GAS7: variants seen among roughly 807,000 people sequenced by gnomAD.
The protein encoded by GAS7 is growth arrest specific 7, also known as growth arrest-specific protein 7.
Under a neutral mutation model 71.1 loss-of-function variants are expected in GAS7, and 28 were observed. That is an observed-to-expected ratio of 0.39 (90% CI 0.29 to 0.54). The LOEUF is 0.54. Among genes scored for constraint, GAS7 ranks in the 20% least tolerant of loss-of-function variants. The pLI is 0.62. For synonymous variants in GAS7, 258 were observed against 245.8 expected (o/e 1.05, Z -0.46); for missense variants, 436 against 627.8 (o/e 0.69, Z 3.27).
rs1255423039 is a variant in GAS7 at position 9,959,687 on chromosome 17, C to G, written c.472-432G>C. On this transcript the variant is annotated intron_variant, in intron 4 of 13. Coordinates refer to ENST00000432992, the MANE Select transcript of GAS7 (RefSeq NM_201433.2). This position sits in a 1 kb window ranked among gnomAD's most constrained non-coding sequence, Gnocchi z 5.0. ...CAGCACACGACATTTTATTCTGAAACCCCCCGGGTCCAAAACGTCAAACCT... is the reference window on the plus strand; with the variant it reads ...CAGCACACGACATTTTATTCTGAAAGCCCCCGGGTCCAAAACGTCAAACCT... Among the ~76,000 whole-genome samples the G allele has an allele frequency of 6.6e-6, 1 of 152,126 alleles. No individual in the cohort carries two copies. Among genetic ancestry groups the G allele is most frequent in the Non-Finnish European group, 1.5e-5 (1 of 68,020 alleles).
At chr17:10,116,853 C>A (rs932390740) in intron 1 of GAS7, among the ~76,000 whole-genome samples, 1 of 151,254 alleles carries the variant, frequency 6.6e-6, no homozygotes, top group Non-Finnish European at 1.5e-5. Context: ...ACAGACAGGT[C>A]AATGATCCAG....
At chr17:10,143,176 C>T (rs1597816683) in intron 1 of GAS7, among the ~76,000 whole-genome samples, 1 of 152,086 alleles carries the variant, frequency 6.6e-6, no homozygotes, top group East Asian at 1.9e-4. Context: ...AGACAGACTC[C>T]GTCTCAGAAA....
At chr17:10,085,705 A>AG (rs2073511229) in intron 1 of GAS7, among the ~76,000 whole-genome samples, 1 of 145,270 alleles carries the variant, frequency 6.9e-6, no homozygotes, top group African/African-American at 2.8e-5. Context: ...AAAAAAAAAA[A>AG]AAAAGAAAGA....
intron 2 of GAS7, among the ~76,000 whole-genome samples, chr17:10,010,400 C>T (rs113972201): frequency 0.097 from 14,734 of 152,190 alleles, 2,277 homozygotes; most frequent in African/African-American, 0.33. Flanking sequence ...GATCCGCCCG[C>T]CTCAGCCTCC....
At chr17:9,920,260 A>T (rs1308604723) in intron 11 of GAS7, among the ~76,000 whole-genome samples, 2 of 152,246 alleles carry the variant, frequency 1.3e-5, no homozygotes, top group East Asian at 1.9e-4. Context: ...CTGTAGTCAC[A>T]GTCTAAAACA....
intron 6 of GAS7, 150 bp downstream of exon 6, chr17:9,946,744 C>T: frequency 1.7e-6 from 1 of 573,864 alleles, no homozygotes; most frequent in Non-Finnish European, 3.1e-6. Context: ...GTCCTAAGTT[C>T]CTGTCACAGA....
At chr17:9,970,951 G>A (rs890792835) in intron 3 of GAS7, among the ~76,000 whole-genome samples, 4 of 152,292 alleles carry the variant, frequency 2.6e-5, no homozygotes, top group Non-Finnish European at 4.4e-5. Context: ...AAGCTTAGAC[G>A]AGCAGCTTCG....
Position 9,943,241 on chromosome 17 carries a change from A to C in GAS7, c.616-5T>G, listed in dbSNP as rs754236866. On this transcript the variant is annotated splice_polypyrimidine_tract_variant and splice_region_variant and intron_variant, in intron 6 of 13. Coordinates refer to ENST00000432992, the MANE Select transcript of GAS7 (RefSeq NM_201433.2). ...TTGGGGGTCCTTCTTATCAGCCTAC[A>C]AAGGAAGCAGAAGCACAAGAGTTTA... 6.5e-7 allele frequency: 1 copy of C among 1,542,852 alleles called. No homozygotes were observed. Among genetic ancestry groups the C allele is most frequent in the East Asian group, 2.2e-5 (1 of 44,630 alleles).
intron 1 of GAS7, among the ~76,000 whole-genome samples, chr17:10,039,978 C>T (rs995955865): frequency 2.0e-5 from 3 of 152,174 alleles, no homozygotes; most frequent in Non-Finnish European, 2.9e-5. Context: ...AAGTTACTGA[C>T]GTGGCTGCTG....
intron 1 of GAS7, among the ~76,000 whole-genome samples, chr17:10,148,881 A>G (rs773035932): frequency 3.8e-4 from 51 of 135,806 alleles, no homozygotes; most frequent in Non-Finnish European, 7.0e-4. Context: ...CTGCACTCCA[A>G]CCTGGGCGAC....
chr17:10,191,002 C>G (rs2074494383), intron 1 of GAS7, among the ~76,000 whole-genome samples: 1 of 151,490 alleles, frequency 6.6e-6, no homozygotes, highest in Admixed American at 6.6e-5. Flanking sequence ...ATGGAGAAAT[C>G]CCATCTCTAC....
intron 1 of GAS7, among the ~76,000 whole-genome samples, chr17:10,049,732 A>T (rs939870635): frequency 6.4e-5 from 9 of 140,728 alleles, no homozygotes; most frequent in Admixed American, 2.3e-4. Flanking sequence ...GCCATTCTCC[A>T]GCCTCAGCCT....
At position 10,186,127 on chromosome 17, in the gene GAS7, A is replaced by ATT. The variant is rs71139024; in HGVS notation, c.183+12079_183+12080dup. Among the ~76,000 whole-genome samples, 472 of 146,074 alleles carry ATT rather than the reference A, an allele frequency of 3.2e-3. 5 individuals carry two copies. Among genetic ancestry groups the ATT allele is most frequent in the African/African-American group, 0.011 (455 of 39,958 alleles). On this transcript the variant is annotated intron_variant, in intron 1 of 13. Transcript: ENST00000432992. ...CCACCATGCCCAGCTAATTTTTTGT[A>ATT]TTTTTTTTTTTAATAGAGACGGGGT...
chr17:10,165,687 T>C (rs1338055625), intron 1 of GAS7, among the ~76,000 whole-genome samples: 2 of 152,190 alleles, frequency 1.3e-5, no homozygotes, highest in Admixed American at 6.5e-5. Flanking sequence ...ACTGCTTGCA[T>C]TTTTACACCA....
intron 9 of GAS7, among the ~76,000 whole-genome samples, chr17:9,929,321 G>A (rs1597466050): frequency 6.6e-6 from 1 of 152,084 alleles, no homozygotes; most frequent in Non-Finnish European, 1.5e-5. Flanking sequence ...GTGGTCTGGG[G>A]AAAAGCCCAT....
rs1179021267 is a variant in GAS7 at position 9,959,605 on chromosome 17, C to T, written c.472-350G>A. 1.5e-5 allele frequency: 7 copies of T among 457,452 alleles called. No homozygotes were observed. Among genetic ancestry groups the T allele is most frequent in the South Asian group, 9.1e-5 (2 of 21,960 alleles). 28.3% of individuals were successfully genotyped at this position (457,452 alleles called of 1,614,324 possible). On this transcript the variant is annotated intron_variant, in intron 4 of 13. Coordinates refer to ENST00000432992, the MANE Select transcript of GAS7 (RefSeq NM_201433.2). This position sits in a 1 kb window ranked among gnomAD's most constrained non-coding sequence, Gnocchi z 5.0. ...CCGCGTGCCGCTTGCTGCCTGAAGC[C>T]GCGGAATCCACTGGGGAGAAGAGAG...
At position 9,926,850 on chromosome 17, in the gene GAS7, A is replaced by AC. The variant is rs2068021124; in HGVS notation, c.886-82dup. On this transcript the variant is annotated intron_variant, in intron 9 of 13. Coordinates refer to ENST00000432992, the MANE Select transcript of GAS7 (RefSeq NM_201433.2). The surrounding 1 kb of genome is among the most constrained non-coding windows in gnomAD (Gnocchi z 5.0). ...TGCAGGGAGGAGGGATGGGAGGGGCACCCCCACTTCCCCAGGCAAGTGAGG... is the reference window on the plus strand; with the variant it reads ...TGCAGGGAGGAGGGATGGGAGGGGCACCCCCCACTTCCCCAGGCAAGTGAGG... 8.8e-6 allele frequency: 13 copies of AC among 1,476,682 alleles called. No individual in the cohort carries two copies. The highest frequency in any genetic ancestry group is 1.2e-5 in the Non-Finnish European group (13 of 1,057,686). 91.5% of individuals were successfully genotyped at this position (1,476,682 alleles called of 1,614,324 possible).
Position 10,136,950 on chromosome 17 carries a change from C to G in GAS7, c.183+61258G>C, listed in dbSNP as rs144846706. 4.0e-3 allele frequency among the ~76,000 whole-genome samples: 602 copies of G among 152,090 alleles called. 5 individuals are homozygous for G. The highest frequency in any genetic ancestry group is 0.014 in the African/African-American group (562 of 41,490). ...CAGCATGGGAAAGATGGCGAAACCC[C>G]GTCTCTACAAAAAATTAGTCAGACA... On this transcript the variant is annotated intron_variant, in intron 1 of 13. Transcript: ENST00000432992.
intron 1 of GAS7, among the ~76,000 whole-genome samples, chr17:10,092,137 TCTGACTTCGCA>T (rs1275130708): frequency 6.6e-6 from 1 of 152,144 alleles, no homozygotes; most frequent in Non-Finnish European, 1.5e-5. Context: ...TGTCCACCTC[TCTGACTTCGCA>T]CATGTATTCT....
Sources: gnomAD v4.1 joint callset for allele counts (sites outside exome capture counted in the v4.1 genomes callset) on GRCh38, gnomAD v4.1.1 for gene constraint, Gnocchi (gnomAD v3.1) non-coding constraint, MANE v1.5 for transcripts, NCBI Gene and HGNC (gene_info 2026-07-23, HGNC 2026-07-21) for gene names.